SYCP2L: variants seen among roughly 807,000 people sequenced by gnomAD.
SYCP2L encodes synaptonemal complex protein 2 like.
SYCP2L carries 98 observed loss-of-function variants against 125.8 expected under a neutral mutation model. The observed-to-expected ratio is 0.78, with a 90% CI of 0.66 to 0.92. The LOEUF (loss-of-function observed/expected upper bound fraction) is 0.92. SYCP2L is among the 40% of genes least tolerant of loss of function. The probability of loss-of-function intolerance (pLI) is 0.00; values close to 1 mark genes in which losing one functional copy is unlikely to be tolerated. For synonymous variants in SYCP2L, 317 were observed against 325.4 expected, an observed-to-expected ratio of 0.97 and a Z score of 0.28; for missense variants, 842 against 936.4, an observed-to-expected ratio of 0.90 and a Z score of 1.32.
At chr6:10,910,908 C>A in intron 12 of SYCP2L, 39 bp downstream of exon 12, 2 of 1,608,418 alleles carry the variant, frequency 1.2e-6, no homozygotes, top group Non-Finnish European at 1.7e-6. Context: ...GGGCGGTGTG[C>A]AGTGAAACCA....
At position 10,942,704 on chromosome 6, in the gene SYCP2L, A is replaced by G; in HGVS notation, c.1912A>G (p.Ser638Gly). The G allele has an allele frequency of 6.2e-7, 1 of 1,613,618 alleles. No individual in the cohort carries two copies. Among genetic ancestry groups the G allele is most frequent in the South Asian group, 1.1e-5 (1 of 91,006 alleles). Residue 638 changes from serine (S) to glycine (G), a missense_variant, in exon 23 of 30, where the codon AGT (serine) becomes GGT (glycine). Coordinates refer to ENST00000283141, the MANE Select transcript of SYCP2L (RefSeq NM_001040274.3). ...TGTGAACCAAGAATCACTAACAGAA[A>G]GTACTAGCTTGAAACATAAGCTGAG... ...KIVNQESLTE[S>G]TSLKHKLRNL...
At chr6:10,889,277 A>G (rs1780135482) in intron 1 of SYCP2L, among the ~76,000 whole-genome samples, 3 of 152,174 alleles carry the variant, frequency 2.0e-5, no homozygotes, top group Admixed American at 2.0e-4. Flanking sequence ...TTTTTAATTG[A>G]CACATATATT....
At chr6:10,910,038 A>T in intron 10 of SYCP2L, 110 bp from the exon 11 acceptor site, 1 of 776,376 alleles carries the variant, frequency 1.3e-6, no homozygotes, top group Non-Finnish European at 2.1e-6. Context: ...CATTGATGTT[A>T]CTGCCTCCTG....
intron 21 of SYCP2L, among the ~76,000 whole-genome samples, chr6:10,936,669 A>G (rs1781101613): frequency 6.6e-6 from 1 of 152,226 alleles, no homozygotes; most frequent in African/African-American, 2.4e-5. Context: ...GATAGAAAAA[A>G]GTGAGATTCA....
intron 2 of SYCP2L, among the ~76,000 whole-genome samples, chr6:10,892,590 G>A (rs1418970228): frequency 1.3e-5 from 2 of 151,966 alleles, no homozygotes; most frequent in Non-Finnish European, 1.5e-5. Flanking sequence ...TGAGCCCTGC[G>A]CCTGGTAATG....
At chr6:10,943,977 A>G (rs541718188) in intron 23 of SYCP2L, among the ~76,000 whole-genome samples, 1 of 152,236 alleles carries the variant, frequency 6.6e-6, no homozygotes, top group South Asian at 2.1e-4. Context: ...GATTTTTGCA[A>G]TTTGGGTTGT....
intron 11 of SYCP2L, 46 bp downstream of exon 11, chr6:10,910,246 T>A: frequency 6.5e-7 from 1 of 1,546,598 alleles, no homozygotes; most frequent in Non-Finnish European, 8.9e-7. Flanking sequence ...ATTCTGAAAA[T>A]GTCTAATATT....
At chr6:10,918,350 T>C (rs1489316909) in intron 14 of SYCP2L, among the ~76,000 whole-genome samples, 1 of 152,074 alleles carries the variant, frequency 6.6e-6, no homozygotes, top group African/African-American at 2.4e-5. Context: ...CCTTGATTAT[T>C]CCCCCAAATA....
intron 4 of SYCP2L, among the ~76,000 whole-genome samples, chr6:10,896,440 G>T (rs1780259957): frequency 6.6e-6 from 1 of 152,188 alleles, no homozygotes; most frequent in Non-Finnish European, 1.5e-5. Context: ...CTGGGAGGGT[G>T]CTGGGAGTGC....
rs1421295451 is a variant in SYCP2L at position 10,911,873 on chromosome 6, T to C, written c.919-800T>C. ...GTAGAATAGTAAGTCTAGTGTTTTA[T>C]CTGTTGTTGGGGAATAAAAGCTTTT... On this transcript the variant is annotated intron_variant, in intron 12 of 29. Transcript: ENST00000283141. 8.7e-5 allele frequency among the ~76,000 whole-genome samples: 13 copies of C among 149,478 alleles called. No homozygotes were observed. In the Admixed American group the frequency reaches 8.8e-4, roughly 10 times the overall value.
chr6:10,907,562 A>G lies in SYCP2L; in HGVS notation c.697A>G (p.Ile233Val). Residue 233 changes from isoleucine (I) to valine (V), a missense_variant, in exon 10 of 30, where the codon ATT becomes GTT. By Grantham distance (29) the Ile-to-Val change is conservative. Coordinates refer to ENST00000283141, the MANE Select transcript of SYCP2L (RefSeq NM_001040274.3). The stretch of plus-strand genomic sequence containing the variant: ...TCTAGATTATGACCAGCAGGTTGCT[A>G]TTTCTGAAGCGCTGTGTAGACTGAC... ...TVGDYDQQVAISEALCRLTIK... is the reference protein window; with the variant it reads ...TVGDYDQQVAVSEALCRLTIK... 3.1e-6 allele frequency: 5 copies of G among 1,612,420 alleles called. No individual in the cohort carries two copies. The highest frequency in any genetic ancestry group is 3.4e-6 in the Non-Finnish European group (4 of 1,179,302).
chr6:10,891,496 G>A lies in SYCP2L; in HGVS notation c.10-17G>A, dbSNP rs775693990. On this transcript the variant is annotated splice_polypyrimidine_tract_variant and intron_variant, in intron 1 of 29. Coordinates refer to ENST00000283141, the MANE Select transcript of SYCP2L (RefSeq NM_001040274.3). Reference sequence around the variant, plus strand: ...TGAAATAAAAATTGTTTAAAAACATGTTTTTATTCCACACAGAAAAACAAA... The same window carrying A: ...TGAAATAAAAATTGTTTAAAAACATATTTTTATTCCACACAGAAAAACAAA... 6.8e-7 allele frequency: 1 copy of A among 1,466,876 alleles called. No individual in the cohort carries two copies. The allele number at this position is 1,466,876 out of a possible 1,614,324, so 90.9% of individuals were successfully genotyped here.
Position 10,935,104 on chromosome 6 carries a change from ACAC to A in SYCP2L, c.1734_1736del (p.Thr579del), listed in dbSNP as rs765481375. 1.5e-5 allele frequency: 24 copies of A among 1,612,818 alleles called. No individual in the cohort carries two copies. The highest frequency in any genetic ancestry group is 1.2e-4 in the South Asian group (11 of 90,668). ...GAGAAAGAAATACCCGAGCAAAATAACACCACATCTCCAAAGACTTCTGAACAA... is the reference window on the plus strand; with the variant it reads ...GAGAAAGAAATACCCGAGCAAAATAACACATCTCCAAAGACTTCTGAACAA... On this transcript the variant is annotated inframe_deletion, in exon 21 of 30. Coordinates refer to ENST00000283141, the MANE Select transcript of SYCP2L (RefSeq NM_001040274.3).
intron 8 of SYCP2L, among the ~76,000 whole-genome samples, chr6:10,904,868 G>A (rs891496908): frequency 6.6e-6 from 1 of 152,058 alleles, no homozygotes; most frequent in African/African-American, 2.4e-5. Flanking sequence ...GGGCATGGTG[G>A]CTCACACCTG....
chr6:10,924,878 C>T (rs190092784), intron 15 of SYCP2L, among the ~76,000 whole-genome samples: 231 of 152,322 alleles, frequency 1.5e-3, no homozygotes, highest in African/African-American at 5.3e-3. Context: ...CTTTACTCTA[C>T]TAACTGTGAA....
chr6:10,917,998 T>C (rs902858774), intron 14 of SYCP2L, among the ~76,000 whole-genome samples: 1 of 152,112 alleles, frequency 6.6e-6, no homozygotes, highest in African/African-American at 2.4e-5. Context: ...CTTGTAGGAT[T>C]TCTGCTGAGA....
At chr6:10,900,063 T>C (rs939426781) in intron 6 of SYCP2L, among the ~76,000 whole-genome samples, 5 of 152,256 alleles carry the variant, frequency 3.3e-5, no homozygotes, top group African/African-American at 1.2e-4. Context: ...ATTCACATAA[T>C]GCTATAATGA....
intron 4 of SYCP2L, among the ~76,000 whole-genome samples, chr6:10,895,429 C>T (rs984697678): frequency 6.6e-6 from 1 of 152,080 alleles, no homozygotes; most frequent in Non-Finnish European, 1.5e-5. Flanking sequence ...TTCCGGTTGG[C>T]TAAACATTTC....
intron 23 of SYCP2L, among the ~76,000 whole-genome samples, chr6:10,953,808 T>C (rs1781451794): frequency 6.6e-6 from 1 of 152,132 alleles, no homozygotes. Flanking sequence ...TGATAAAGGC[T>C]GAGAAGAAAA....
Sources: allele counts gnomAD v4.1 joint callset (sites outside exome capture counted in the v4.1 genomes callset), GRCh38; gene constraint gnomAD v4.1.1; transcripts MANE v1.5; gene names NCBI Gene and HGNC (gene_info 2026-07-23, HGNC 2026-07-21).